PDE4D: variants seen among roughly 807,000 people sequenced by gnomAD.
PDE4D encodes the protein phosphodiesterase 4D.
In PDE4D, 24 loss-of-function variants were observed where a neutral mutation model predicts 87.4. That is an observed-to-expected ratio of 0.27 (90% CI 0.20 to 0.39). The LOEUF is 0.39. Ranked by LOEUF, PDE4D falls within the 10% of genes least tolerant of loss-of-function variation. PDE4D has a pLI of 1.00. For missense variants in PDE4D, 714 were observed against 1,041.0 expected, an observed-to-expected ratio of 0.69 and a Z score of 4.32; for synonymous variants, 384 against 383.2, an observed-to-expected ratio of 1.00 and a Z score of -0.02.
chr5:59,356,671 A>G, intron 1 of PDE4D: 1 of 1,010,766 alleles, frequency 9.9e-7, no homozygotes, highest in Non-Finnish European at 1.4e-6. Flanking sequence ...TAGGAGTTAG[A>G]AGGTCAACAT....
At chr5:59,401,826 C>T (rs1214524335) in intron 1 of PDE4D, among the ~76,000 whole-genome samples, 2 of 152,180 alleles carry the variant, frequency 1.3e-5, no homozygotes, top group Non-Finnish European at 2.9e-5. Context: ...TTGTGAGTTT[C>T]TGTTTATTTA....
At chr5:59,973,427 C>A (rs1396264936) in intron 3 of PDE4D, among the ~76,000 whole-genome samples, 1 of 152,140 alleles carries the variant, frequency 6.6e-6, no homozygotes, top group Non-Finnish European at 1.5e-5. Context: ...TAAATACTTC[C>A]ATGTTACCAT....
At chr5:59,594,292 TTTTATTTATTTA>T (rs142839056) in intron 1 of PDE4D, among the ~76,000 whole-genome samples, 6,123 of 140,992 alleles carry the variant, frequency 0.043, 159 homozygotes, top group African/African-American at 0.067. Context: ...AACTTTTTTA[TTTTATTTATTTA>T]TTTATTTATT....
At chr5:59,574,078 ATAT>A (rs1822488410) in intron 1 of PDE4D, among the ~76,000 whole-genome samples, 1 of 14,642 alleles carries the variant, frequency 6.8e-5, no homozygotes, top group Non-Finnish European at 1.3e-4. Context: ...ATATTTATAT[ATAT>A]ATTTATATAT....
intron 3 of PDE4D, among the ~76,000 whole-genome samples, chr5:59,188,972 A>C (rs1263469480): frequency 6.6e-6 from 1 of 152,146 alleles, no homozygotes; most frequent in Admixed American, 6.5e-5. Context: ...AAACGAGGTG[A>C]CTATCTTCTT....
intron 3 of PDE4D, among the ~76,000 whole-genome samples, chr5:59,932,914 C>G (rs1048869705): frequency 6.6e-6 from 1 of 151,982 alleles, no homozygotes; most frequent in Admixed American, 6.6e-5. Context: ...CAATTTTTGC[C>G]ACCTATCTGT....
intron 1 of PDE4D, among the ~76,000 whole-genome samples, chr5:59,825,791 T>C (rs1247626264): frequency 6.6e-6 from 1 of 152,282 alleles, no homozygotes; most frequent in South Asian, 2.1e-4. Flanking sequence ...GCAGCCAGGA[T>C]CAGGCTTTCT....
intron 2 of PDE4D, among the ~76,000 whole-genome samples, chr5:60,000,796 T>C (rs891586764): frequency 9.9e-5 from 15 of 152,102 alleles, no homozygotes; most frequent in Admixed American, 1.3e-4. Context: ...GGCAGAGATA[T>C]AAAGGAGTAG....
chr5:59,371,914 C>T (rs1466088747), intron 1 of PDE4D, among the ~76,000 whole-genome samples: 1 of 152,162 alleles, frequency 6.6e-6, no homozygotes. Context: ...GTGGTATATG[C>T]TCATGTTCTA....
At chr5:59,528,464 G>GAAGGAGATGGTGCCTAAGTC (rs1813560262) in intron 1 of PDE4D, among the ~76,000 whole-genome samples, 1 of 152,172 alleles carries the variant, frequency 6.6e-6, no homozygotes, top group Non-Finnish European at 1.5e-5. Flanking sequence ...TGCCAAGAGA[G>GAAGGAGATGGTGCCTAAGTC]AAGGAGATGG....
chr5:59,756,535 CAGAG>C (rs369305395), intron 1 of PDE4D, among the ~76,000 whole-genome samples: 6 of 150,062 alleles, frequency 4.0e-5, no homozygotes, highest in Non-Finnish European at 5.9e-5. Context: ...CACACACACA[CAGAG>C]ACACACACTG....
intron 1 of PDE4D, among the ~76,000 whole-genome samples, chr5:59,832,165 C>G (rs1249180507): frequency 2.6e-5 from 4 of 152,046 alleles, no homozygotes; most frequent in Admixed American, 6.6e-5. Flanking sequence ...AAGCACAAAG[C>G]CTGAGGTCCG....
intron 2 of PDE4D, among the ~76,000 whole-genome samples, chr5:59,994,922 G>C (rs554131238): frequency 6.6e-6 from 1 of 151,960 alleles, no homozygotes; most frequent in African/African-American, 2.4e-5. Flanking sequence ...TGCTTGTGTC[G>C]GGTACTGAAA....
intron 1 of PDE4D, among the ~76,000 whole-genome samples, chr5:59,561,758 C>T (rs1056868458): frequency 6.6e-6 from 1 of 151,490 alleles, no homozygotes; most frequent in Non-Finnish European, 1.5e-5. Flanking sequence ...GGCAAAAACC[C>T]GTCTCTACTA....
chr5:59,175,954 T>C (rs1476967401), intron 5 of PDE4D, among the ~76,000 whole-genome samples: 1 of 151,932 alleles, frequency 6.6e-6, no homozygotes, highest in East Asian at 1.9e-4. Context: ...TTATATAACT[T>C]ATCTCCTTGA....
intron 11 of PDE4D, among the ~76,000 whole-genome samples, chr5:58,982,695 A>C (rs764622073): frequency 1.4e-4 from 21 of 152,146 alleles, no homozygotes; most frequent in Non-Finnish European, 2.1e-4. Flanking sequence ...GCACTTAGCA[A>C]TAGTCATAGC....
chr5:59,656,014 C>T (rs1744292811), intron 1 of PDE4D, among the ~76,000 whole-genome samples: 1 of 152,174 alleles, frequency 6.6e-6, no homozygotes, highest in African/African-American at 2.4e-5. Flanking sequence ...CCTCCTCCTA[C>T]ACACACAATA....
At chr5:60,023,495 A>C (rs960272817) in intron 2 of PDE4D, among the ~76,000 whole-genome samples, 7 of 152,008 alleles carry the variant, frequency 4.6e-5, no homozygotes, top group African/African-American at 1.7e-4. Context: ...ATCTGTCTTC[A>C]TTTCCCCACT....
At chr5:59,893,131 C>T (rs762520334) in intron 1 of PDE4D, 37 bp downstream of exon 1, 3 of 1,533,152 alleles carry the variant, frequency 2.0e-6, no homozygotes, top group East Asian at 2.5e-5. Flanking sequence ...GGAGGTGACC[C>T]TTTGCCTGAA....
Sources: gnomAD v4.1 joint callset for allele counts (sites outside exome capture counted in the v4.1 genomes callset) on GRCh38, gnomAD v4.1.1 for gene constraint, MANE v1.5 for transcripts, NCBI Gene and HGNC (gene_info 2026-07-23, HGNC 2026-07-21) for gene names.